MCCC2: variants seen among roughly 807,000 people sequenced by gnomAD.
MCCC2 encodes methylcrotonoyl-CoA carboxylase beta chain, mitochondrial.
Under a neutral mutation model 77.2 loss-of-function variants are expected in MCCC2, and 52 were observed. That is an observed-to-expected ratio of 0.67 (90% confidence interval 0.54 to 0.85). The LOEUF (loss-of-function observed/expected upper bound fraction) is 0.85. MCCC2 is among the 40% of genes least tolerant of loss of function. MCCC2 has a pLI of 0.00. For synonymous variants in MCCC2, 253 were observed against 248.4 expected, an observed-to-expected ratio of 1.02 and a Z score of -0.18; for missense variants, 682 against 703.2, an observed-to-expected ratio of 0.97 and a Z score of 0.34.
intron 16 of MCCC2, 97 bp downstream of exon 16, chr5:71,652,851 C>T: frequency 9.9e-7 from 1 of 1,010,346 alleles, no homozygotes; most frequent in East Asian, 2.4e-5. Flanking sequence ...GTCCAGCATT[C>T]ATAGGAACTG....
At chr5:71,644,141 G>A (rs1471774231) in intron 12 of MCCC2, among the ~76,000 whole-genome samples, 2 of 150,826 alleles carry the variant, frequency 1.3e-5, no homozygotes, top group African/African-American at 4.9e-5. Flanking sequence ...ACATTAACAT[G>A]CTGTGACGAA....
intron 11 of MCCC2, among the ~76,000 whole-genome samples, chr5:71,642,116 GT>G (rs1320546687): frequency 6.6e-6 from 1 of 152,182 alleles, no homozygotes; most frequent in Non-Finnish European, 1.5e-5. Context: ...TAAAAGCCCT[GT>G]GGCACTCTTA....
intron 6 of MCCC2, among the ~76,000 whole-genome samples, chr5:71,624,637 A>G (rs1746474029): frequency 6.7e-6 from 1 of 150,128 alleles, no homozygotes; most frequent in African/African-American, 2.5e-5. Context: ...TCAGCCTCCC[A>G]AAGTGCTGGG....
At chr5:71,653,284 A>G (rs1747489407) in intron 16 of MCCC2, among the ~76,000 whole-genome samples, 1 of 152,130 alleles carries the variant, frequency 6.6e-6, no homozygotes, top group Non-Finnish European at 1.5e-5. Flanking sequence ...CTCACAGACC[A>G]TTGCCGCTGT....
rs774125217 is a variant in MCCC2 at position 71,602,626 on chromosome 5, C to A, written c.504C>A (p.Ile168=). The change falls in exon 5 of 17, where the codon ATC becomes ATA. Residue 168 remains isoleucine, a synonymous_variant. Coordinates refer to ENST00000340941, the MANE Select transcript of MCCC2 (RefSeq NM_022132.5). Reference sequence around the variant, plus strand: ...CCATGCAAAACAGGCTCCCCTGCATCTACTTAGGCAAGTCACCAGAGTGGT... The same window carrying A: ...CCATGCAAAACAGGCTCCCCTGCATATACTTAGGCAAGTCACCAGAGTGGT... ...EIAMQNRLPC[I]YLVDSGGAYL... 3 of 1,614,156 alleles carry A rather than the reference C, an allele frequency of 1.9e-6. No homozygotes were observed. The East Asian group carries it at 6.7e-5, about 36-fold the overall frequency.
At chr5:71,656,638 C>A in intron 16 of MCCC2, 105 bp from the exon 17 acceptor site, 1 of 846,102 alleles carries the variant, frequency 1.2e-6, no homozygotes, top group Non-Finnish European at 2.1e-6. Flanking sequence ...TCAGTAGATC[C>A]ATATATTACC....
At chr5:71,636,151 TA>T (rs1275537235) in intron 10 of MCCC2, 2 of 412,676 alleles carry the variant, frequency 4.8e-6, no homozygotes, top group Non-Finnish European at 9.8e-6. Context: ...ATTCCTATAA[TA>T]GTACTTGGCA....
chr5:71,643,206 A>T (rs1308298013), intron 11 of MCCC2, among the ~76,000 whole-genome samples: 1 of 152,006 alleles, frequency 6.6e-6, no homozygotes, highest in Non-Finnish European at 1.5e-5. Flanking sequence ...ACATAGCGAA[A>T]CCCCATCTCT....
intron 7 of MCCC2, 36 bp from the exon 8 acceptor site, chr5:71,632,085 G>T: frequency 6.3e-7 from 1 of 1,597,986 alleles, no homozygotes; most frequent in African/African-American, 1.3e-5. Context: ...ATGTCTGATG[G>T]ACCGATTTCA....
At position 71,633,133 on chromosome 5, in the gene MCCC2, T is replaced by A. The variant is rs868167316; in HGVS notation, c.803+948T>A. 4.0e-3 allele frequency among the ~76,000 whole-genome samples: 453 copies of A among 112,804 alleles called. 7 individuals are homozygous for A. The highest frequency in any genetic ancestry group is 0.019 in the African/African-American group (436 of 23,382). 74.0% of individuals were successfully genotyped at this position (112,804 alleles called of 152,430 possible). A position where few individuals can be genotyped will look rare whatever the true frequency, so the allele number is the denominator to read the frequency against. ...TATATATATATATATATATATATATTTTTATTTTTTGTAGAAACAGGTGTC... is the reference window on the plus strand; with the variant it reads ...TATATATATATATATATATATATATATTTATTTTTTGTAGAAACAGGTGTC... On this transcript the variant is annotated intron_variant, in intron 8 of 16. Transcript: ENST00000340941.
At chr5:71,609,933 C>T (rs949659903) in intron 6 of MCCC2, among the ~76,000 whole-genome samples, 17 of 152,066 alleles carry the variant, frequency 1.1e-4, no homozygotes, top group Non-Finnish European at 1.9e-4. Context: ...GTTCTCAGAT[C>T]TCCAGCTGTG....
At chr5:71,609,960 G>A (rs1387941283) in intron 6 of MCCC2, among the ~76,000 whole-genome samples, 1 of 152,098 alleles carries the variant, frequency 6.6e-6, no homozygotes, top group Non-Finnish European at 1.5e-5. Flanking sequence ...GAGAACCACT[G>A]CTCTCTTCAA....
At chr5:71,619,818 C>T (rs775020346) in intron 6 of MCCC2, among the ~76,000 whole-genome samples, 22 of 151,912 alleles carry the variant, frequency 1.4e-4, no homozygotes, top group Non-Finnish European at 2.2e-4. Context: ...GGTGAAATCC[C>T]GTCTCTACTA....
chr5:71,652,870 C>A, intron 16 of MCCC2, 116 bp downstream of exon 16: 1 of 870,224 alleles, frequency 1.1e-6, no homozygotes, highest in Non-Finnish European at 1.9e-6. Context: ...TGGAAAATAA[C>A]ATTTGGACAC....
In MCCC2 at chr5:71,604,414, C is replaced by T; in HGVS notation, c.570C>T (p.His190=). ...CAGATGTGTTTCCAGATCGAGACCA[C>T]TTTGGCCGTACATTCTATAATCAGG... ...RQADVFPDRD[H]FGRTFYNQAI... is the part of the protein sequence containing the mutation. The change falls in exon 6 of 17, where the codon CAC becomes CAT. Residue 190 remains histidine (H), a synonymous_variant. Transcript: ENST00000340941. The T allele has an allele frequency of 6.2e-7, 1 of 1,614,116 alleles. No individual in the cohort carries two copies. Among genetic ancestry groups the T allele is most frequent in the Non-Finnish European group, 8.5e-7 (1 of 1,180,030 alleles).
intron 10 of MCCC2, among the ~76,000 whole-genome samples, chr5:71,639,732 C>G (rs1269337466): frequency 6.6e-6 from 1 of 152,134 alleles, no homozygotes; most frequent in Non-Finnish European, 1.5e-5. Context: ...AGCCGTATCT[C>G]TGTGTGGAAG....
rs1054846224 is a variant in MCCC2 at position 71,618,479 on chromosome 5, T to G, written c.625-8161T>G. On this transcript the variant is annotated intron_variant, in intron 6 of 16. Transcript: ENST00000340941. ...TTTTTTAAATTCTTTCTTTCTTTCC[T>G]TCTTTCCTTCTTCCTTCCTTCCTTC... 3.5e-4 allele frequency among the ~76,000 whole-genome samples: 52 copies of G among 150,698 alleles called. 1 individual carries two copies. Among genetic ancestry groups the G allele is most frequent in the African/African-American group, 1.2e-3 (49 of 41,036 alleles).
At chr5:71,609,563 C>T (rs1745830134) in intron 6 of MCCC2, among the ~76,000 whole-genome samples, 1 of 150,280 alleles carries the variant, frequency 6.7e-6, no homozygotes, top group African/African-American at 2.4e-5. Context: ...CTTCTTCTCT[C>T]AGCTCATCAA....
chr5:71,594,170 C>T (rs1745086459), intron 2 of MCCC2, among the ~76,000 whole-genome samples: 1 of 152,142 alleles, frequency 6.6e-6, no homozygotes, highest in Admixed American at 6.5e-5. Context: ...GGTGATAACT[C>T]AATTGTTATG....
Sources: gnomAD v4.1 joint callset for allele counts (sites outside exome capture counted in the v4.1 genomes callset) on GRCh38, gnomAD v4.1.1 for gene constraint, MANE v1.5 for transcripts, NCBI Gene and HGNC (gene_info 2026-07-23, HGNC 2026-07-21) for gene names.